RORA: variants seen among roughly 807,000 people sequenced by gnomAD.
RORA encodes the protein RAR related orphan receptor A.
RORA carries 7 observed loss-of-function variants against 69.5 expected under a neutral mutation model. That is an observed-to-expected ratio of 0.10 (90% CI 0.06 to 0.19). RORA has a LOEUF of 0.19. Ranked by LOEUF, RORA falls within the 10% of genes least tolerant of loss-of-function variation. The pLI is 1.00. For synonymous variants in RORA, 261 were observed against 240.8 expected (o/e 1.08, Z -0.78); for missense variants, 457 against 663.0 (o/e 0.69, Z 3.41).
intron 1 of RORA, among the ~76,000 whole-genome samples, chr15:60,730,793 T>G (rs1173630893): frequency 1.3e-5 from 2 of 152,344 alleles, no homozygotes; most frequent in African/African-American, 4.8e-5. Flanking sequence ...TAGAAAGGTA[T>G]GTTACAATAT....
At chr15:60,849,480 T>C (rs1349557283) in intron 1 of RORA, among the ~76,000 whole-genome samples, 1 of 152,204 alleles carries the variant, frequency 6.6e-6, no homozygotes, top group East Asian at 1.9e-4. Context: ...ACCATGATGA[T>C]GCTGTGGAGA....
At chr15:61,037,367 T>C (rs1459608668) in intron 1 of RORA, among the ~76,000 whole-genome samples, 2 of 152,124 alleles carry the variant, frequency 1.3e-5, no homozygotes, top group African/African-American at 2.4e-5. Flanking sequence ...AAGCATAAAA[T>C]AGAATCCTTA....
At chr15:60,633,307 T>C (rs1257330992) in intron 2 of RORA, among the ~76,000 whole-genome samples, 2 of 152,250 alleles carry the variant, frequency 1.3e-5, no homozygotes, top group Non-Finnish European at 2.9e-5. Context: ...TGATCTTAAA[T>C]TAATATTTAA....
intron 1 of RORA, among the ~76,000 whole-genome samples, chr15:60,696,112 A>G (rs961948882): frequency 6.6e-6 from 1 of 152,240 alleles, no homozygotes; most frequent in African/African-American, 2.4e-5. Flanking sequence ...AAATCCTGCC[A>G]CAAGTGGCAC....
chr15:60,652,168 C>T (rs772042542), intron 2 of RORA, among the ~76,000 whole-genome samples: 2 of 151,730 alleles, frequency 1.3e-5, no homozygotes, highest in East Asian at 1.9e-4. Flanking sequence ...GAACAAGAGA[C>T]GTGCAGTTCT....
intron 1 of RORA, among the ~76,000 whole-genome samples, chr15:60,861,457 G>A (rs2140425471): frequency 6.6e-6 from 1 of 152,238 alleles, no homozygotes; most frequent in Non-Finnish European, 1.5e-5. Context: ...GTTGTGATGA[G>A]GACTACTGTA....
chr15:61,098,785 A>C (rs909154406), intron 1 of RORA, among the ~76,000 whole-genome samples: 21 of 152,216 alleles, frequency 1.4e-4, no homozygotes, highest in Non-Finnish European at 2.9e-4. Context: ...CTTTAAAGTG[A>C]ACTTAACTCC....
intron 1 of RORA, among the ~76,000 whole-genome samples, chr15:61,034,071 C>T (rs748907645): frequency 1.3e-5 from 2 of 152,056 alleles, no homozygotes; most frequent in Non-Finnish European, 2.9e-5. Context: ...ATGCCACTTC[C>T]ATTATAGTTC....
At chr15:60,910,375 A>C (rs1891669521) in intron 1 of RORA, among the ~76,000 whole-genome samples, 1 of 152,244 alleles carries the variant, frequency 6.6e-6, no homozygotes, top group Admixed American at 6.5e-5. Flanking sequence ...CAGGCAAGTC[A>C]CTTAGCCACT....
chr15:60,579,062 C>T (rs545766869), intron 2 of RORA, among the ~76,000 whole-genome samples: 6 of 144,078 alleles, frequency 4.2e-5, no homozygotes, highest in East Asian at 2.0e-4. Flanking sequence ...CCACCGCGCC[C>T]GGTTTTTTTT....
At chr15:61,059,975 AGG>A in intron 1 of RORA, among the ~76,000 whole-genome samples, 1 of 130,188 alleles carries the variant, frequency 7.7e-6, no homozygotes, top group African/African-American at 3.2e-5. Context: ...GAAGAGGAAG[AGG>A]AAGAGGAAGA....
chr15:61,076,953 C>T (rs941388955), intron 1 of RORA, among the ~76,000 whole-genome samples: 6 of 151,982 alleles, frequency 3.9e-5, no homozygotes, highest in Non-Finnish European at 5.9e-5. Flanking sequence ...AAAAAAAGCC[C>T]TTAATTGCTT....
At chr15:61,198,682 A>T (rs899786277) in intron 1 of RORA, among the ~76,000 whole-genome samples, 7 of 151,878 alleles carry the variant, frequency 4.6e-5, no homozygotes, top group South Asian at 2.1e-4. Context: ...TCTCAAAAAA[A>T]AAAAAAAAGA....
intron 1 of RORA, among the ~76,000 whole-genome samples, chr15:60,965,479 G>A (rs1893529131): frequency 6.6e-6 from 1 of 152,174 alleles, no homozygotes; most frequent in Non-Finnish European, 1.5e-5. Context: ...CAGCATTAAG[G>A]AAATGCCTAA....
chr15:60,666,425 T>TC (rs1204731691), intron 2 of RORA, among the ~76,000 whole-genome samples: 2 of 148,116 alleles, frequency 1.4e-5, no homozygotes, highest in African/African-American at 5.0e-5. Flanking sequence ...GACTCAGCAA[T>TC]CCCCCCTCCT....
At chr15:60,615,447 G>A (rs1251738714) in intron 2 of RORA, among the ~76,000 whole-genome samples, 1 of 152,210 alleles carries the variant, frequency 6.6e-6, no homozygotes, top group Non-Finnish European at 1.5e-5. Context: ...AAAGTCTCAC[G>A]AGATGGGGCC....
At chr15:61,193,104 A>G (rs1567031715) in intron 1 of RORA, among the ~76,000 whole-genome samples, 1 of 152,122 alleles carries the variant, frequency 6.6e-6, no homozygotes, top group African/African-American at 2.4e-5. Context: ...AATAGGAACC[A>G]TCTATTCCAA....
chr15:60,737,585 C>T (rs1352156997), intron 1 of RORA, among the ~76,000 whole-genome samples: 1 of 152,226 alleles, frequency 6.6e-6, no homozygotes, highest in Non-Finnish European at 1.5e-5. Flanking sequence ...GATTCTGATG[C>T]TCACTCGTTT....
intron 1 of RORA, among the ~76,000 whole-genome samples, chr15:61,199,712 C>A (rs1163005972): frequency 6.6e-6 from 1 of 152,112 alleles, no homozygotes; most frequent in Non-Finnish European, 1.5e-5. Flanking sequence ...ACCAATTACA[C>A]TGAGATGTTA....
Sources: allele counts gnomAD v4.1 joint callset (sites outside exome capture counted in the v4.1 genomes callset), GRCh38; gene constraint gnomAD v4.1.1; transcripts MANE v1.5; gene names NCBI Gene and HGNC (gene_info 2026-07-23, HGNC 2026-07-21).